TSACC: variants seen among roughly 807,000 people sequenced by gnomAD.
TSACC encodes the protein TSSK6-activating co-chaperone protein.
TSACC carries 3 observed loss-of-function variants against 6.9 expected under a neutral mutation model. The observed-to-expected ratio is 0.43, with a 90% confidence interval of 0.20 to 1.12. TSACC has a LOEUF of 1.12. Among genes scored for constraint, TSACC ranks in the 50% most tolerant of loss-of-function variants. TSACC has a pLI of 0.28. For missense variants in TSACC, 137 were observed against 143.9 expected, an observed-to-expected ratio of 0.95 and a Z score of 0.24; for synonymous variants, 54 against 55.1, an observed-to-expected ratio of 0.98 and a Z score of 0.09.
chr1:156,341,550 A>G (rs751709817), intron 2 of TSACC, among the ~76,000 whole-genome samples: 6 of 152,118 alleles, frequency 3.9e-5, no homozygotes, highest in Non-Finnish European at 5.9e-5. Flanking sequence ...CATATAAGAG[A>G]ATGTATGTAA....
At chr1:156,341,911 A>C (rs997552798) in intron 2 of TSACC, among the ~76,000 whole-genome samples, 2 of 151,854 alleles carry the variant, frequency 1.3e-5, no homozygotes, top group African/African-American at 2.4e-5. Context: ...AAATACAAAA[A>C]ATTAGCCGGG....
intron 3 of TSACC, 102 bp downstream of exon 3, chr1:156,344,810 G>C: frequency 1.4e-6 from 2 of 1,395,286 alleles, no homozygotes; most frequent in Non-Finnish European, 9.8e-7. Flanking sequence ...CCAAATCTAT[G>C]TTAGGCATCT....
intron 2 of TSACC, among the ~76,000 whole-genome samples, chr1:156,340,424 G>T (rs1370643771): frequency 2.0e-5 from 3 of 151,072 alleles, no homozygotes; most frequent in Non-Finnish European, 4.4e-5. Flanking sequence ...CTCCCAAAGT[G>T]CTGGGATTAC....
intron 3 of TSACC, among the ~76,000 whole-genome samples, chr1:156,346,193 C>CAAAAAAAAAAAAAAAAAA (rs60688957): frequency 1.9e-5 from 1 of 53,600 alleles, no homozygotes. Flanking sequence ...ACTCCGTCTC[C>CAAAAAAAAAAAAAAAAAA]AAAAAAAAAA....
At chr1:156,338,225 C>T (rs1665543769), upstream of TSACC, 1 of 1,568,162 alleles carries the variant, frequency 6.4e-7, no homozygotes, top group Non-Finnish European at 8.6e-7. Context: ...GCTGGGGGAA[C>T]CGGCAGAACC....
At chr1:156,338,296 T>G, upstream of TSACC, 1 of 1,023,096 alleles carries the variant, frequency 9.8e-7, no homozygotes, top group Non-Finnish European at 1.5e-6. Context: ...GGCTTACACC[T>G]CAACCCGCTA....
At position 156,346,984 on chromosome 1, in the gene TSACC, T is replaced by A. The variant is rs750940799; in HGVS notation, c.*2T>A. 5.0e-6 allele frequency: 8 copies of A among 1,612,972 alleles called. No individual in the cohort carries two copies. The highest frequency in any genetic ancestry group is 3.3e-5 in the Admixed American group (2 of 59,986). ...CACCTGCCCCAATTCAGTAAATGAATTGTGGAACAAAGTTATTGTGTTGTT... is the reference window on the plus strand; with the variant it reads ...CACCTGCCCCAATTCAGTAAATGAAATGTGGAACAAAGTTATTGTGTTGTT... On this transcript the variant is annotated 3_prime_UTR_variant, in exon 4 of 4. Transcript: ENST00000368254.
rs1557784583 is a variant in TSACC at position 156,346,983 on chromosome 1, AT to A, written c.*3del. ...TCACCTGCCCCAATTCAGTAAATGAATTGTGGAACAAAGTTATTGTGTTGTT... is the reference window on the plus strand; with the variant it reads ...TCACCTGCCCCAATTCAGTAAATGAATGTGGAACAAAGTTATTGTGTTGTT... On this transcript the variant is annotated 3_prime_UTR_variant, in exon 4 of 4. Coordinates refer to ENST00000368254, the MANE Select transcript of TSACC (RefSeq NM_001304817.2). The A allele has an allele frequency of 6.2e-7, 1 of 1,612,940 alleles. No homozygotes were observed.
upstream of TSACC, chr1:156,337,762 T>C (rs1487837591): frequency 4.1e-6 from 1 of 245,770 alleles, no homozygotes; most frequent in Non-Finnish European, 7.9e-6. Flanking sequence ...TACTAAGGGA[T>C]GGGCCAAGAA....
intron 2 of TSACC, among the ~76,000 whole-genome samples, chr1:156,342,248 A>G (rs188871133): frequency 6.6e-6 from 1 of 152,314 alleles, no homozygotes; most frequent in East Asian, 1.9e-4. Flanking sequence ...ACAAGCCATC[A>G]AGTGACTGAT....
chr1:156,343,765 A>C (rs949698976), intron 2 of TSACC, among the ~76,000 whole-genome samples: 15 of 151,830 alleles, frequency 9.9e-5, no homozygotes, highest in Non-Finnish European at 2.1e-4. Flanking sequence ...TTTGAGAAGG[A>C]ATCTCACCCT....
At chr1:156,345,615 C>T (rs1399353038) in intron 3 of TSACC, among the ~76,000 whole-genome samples, 2 of 151,548 alleles carry the variant, frequency 1.3e-5, no homozygotes, top group South Asian at 4.2e-4. Flanking sequence ...TGCCTGTAAT[C>T]CCAGCACTTT....
intron 3 of TSACC, 57 bp from the exon 4 acceptor site, chr1:156,346,711 A>T (rs746635375): frequency 5.1e-6 from 8 of 1,560,012 alleles, no homozygotes; most frequent in African/African-American, 1.4e-5. Flanking sequence ...ACCTCAGTAC[A>T]ATTACCAAAT....
At chr1:156,339,468 G>T (rs1041327400) in intron 1 of TSACC, among the ~76,000 whole-genome samples, 166 bp from the exon 2 acceptor site, 1 of 152,074 alleles carries the variant, frequency 6.6e-6, no homozygotes, top group Non-Finnish European at 1.5e-5. Flanking sequence ...CGTCAGAGAC[G>T]TTTAAGGTTT....
At chr1:156,338,093 G>T (rs1665530844), upstream of TSACC, 2 of 1,550,564 alleles carry the variant, frequency 1.3e-6, no homozygotes, top group Non-Finnish European at 1.7e-6. Flanking sequence ...GGGCAACACT[G>T]AAAAGTATGG....
At chr1:156,339,021 T>A (rs1046710410) in intron 1 of TSACC, 12 of 152,212 alleles carry the variant, frequency 7.9e-5, no homozygotes, top group African/African-American at 2.9e-4. Context: ...CCCAGCACTT[T>A]GGGAGGCCGA....
upstream of TSACC, chr1:156,338,215 G>C: frequency 1.9e-6 from 3 of 1,578,432 alleles, no homozygotes; most frequent in Admixed American, 1.9e-5. Context: ...GGTACCCAGA[G>C]CTGGGGGAAC....
chr1:156,345,704 CT>C (rs1666132768), intron 3 of TSACC, among the ~76,000 whole-genome samples: 1 of 151,338 alleles, frequency 6.6e-6, no homozygotes, highest in African/African-American at 2.4e-5. Flanking sequence ...CCCATCTCTA[CT>C]AAAAATACAA....
At chr1:156,339,599 C>A in intron 1 of TSACC, 35 bp from the exon 2 acceptor site, 1 of 795,088 alleles carries the variant, frequency 1.3e-6, no homozygotes, top group Non-Finnish European at 2.0e-6. Flanking sequence ...ACCTGTTTGG[C>A]CATGAAATAG....
Sources: gnomAD v4.1 joint callset for allele counts (sites outside exome capture counted in the v4.1 genomes callset) on GRCh38, gnomAD v4.1.1 for gene constraint, MANE v1.5 for transcripts, NCBI Gene and HGNC (gene_info 2026-07-23, HGNC 2026-07-21) for gene names.